The following SARS1 variants were observed in gnomAD, a reference collection of about 807,000 sequenced individuals.
SARS1 encodes serine--tRNA ligase, cytoplasmic.
Under a neutral mutation model 63.7 loss-of-function variants are expected in SARS1, and 25 were observed. The ratio of observed to expected loss-of-function variants is 0.39; its 90% CI spans 0.29 to 0.55. The LOEUF is 0.55. Among genes scored for constraint, SARS1 ranks in the 20% least tolerant of loss-of-function variants. The pLI, the probability that SARS1 is intolerant of heterozygous loss-of-function variation, is 0.62. For synonymous variants in SARS1, 231 were observed against 243.5 expected, an observed-to-expected ratio of 0.95 and a Z score of 0.48; for missense variants, 417 against 649.7, an observed-to-expected ratio of 0.64 and a Z score of 3.89.
chr1:109,233,939 G>A (rs577996347), intron 6 of SARS1, among the ~76,000 whole-genome samples: 1 of 135,714 alleles, frequency 7.4e-6, no homozygotes, highest in Non-Finnish European at 1.5e-5. Context: ...GCATGATCTC[G>A]GCTCATTGCA....
At chr1:109,226,100 C>G (rs536938076) in intron 2 of SARS1, among the ~76,000 whole-genome samples, 1 of 151,202 alleles carries the variant, frequency 6.6e-6, no homozygotes, top group African/African-American at 2.4e-5. Context: ...TCAAGCAGCC[C>G]TCCTGCCTCA....
At chr1:109,229,348 G>A (rs1655156994) in intron 3 of SARS1, 66 bp from the exon 4 acceptor site, 7 of 1,535,786 alleles carry the variant, frequency 4.6e-6, no homozygotes, top group South Asian at 2.4e-5. Flanking sequence ...TAGGGCAACC[G>A]AATCATATTC....
rs770989871 is a variant in SARS1, at chr1:109,214,561, C to T, written c.136+433C>T. 1.3e-4 allele frequency: 124 copies of T among 990,470 alleles called. No homozygotes were observed. In the Middle Eastern group the frequency reaches 3.1e-3, roughly 25 times the overall value. The allele number at this position is 990,470 out of a possible 1,614,324, so 61.4% of individuals were successfully genotyped here. ...TGTTTTGATAGGATCAAAGGCTTCT[C>T]CTGAGACTGCGTCACTTCTGCAACA... On this transcript the variant is annotated intron_variant, in intron 1 of 10. Coordinates refer to ENST00000234677, the MANE Select transcript of SARS1 (RefSeq NM_006513.4). The surrounding 1 kb of genome is among the most constrained non-coding windows in gnomAD (Gnocchi z 4.6).
intron 2 of SARS1, among the ~76,000 whole-genome samples, chr1:109,225,730 G>A (rs999179494): frequency 6.6e-6 from 1 of 152,212 alleles, no homozygotes; most frequent in Non-Finnish European, 1.5e-5. Context: ...CCTATTTAAT[G>A]GGTAAGGGAA....
rs1655299407 is a variant in SARS1 at position 109,236,005 on chromosome 1, A to G, written c.998A>G (p.His333Arg). The G allele has an allele frequency of 1.2e-6, 2 of 1,613,084 alleles. No individual in the cohort carries two copies. Among genetic ancestry groups the G allele is most frequent in the African/African-American group, 1.3e-5 (1 of 74,976 alleles). ...KIEQFVYSSP[H>R]DNKSWEMFEE... ...GAACAGTTTGTGTACTCATCACCCC[A>G]TGACAACAAGTCATGGGAGATGTTT... Residue 333 changes from histidine (H) to arginine (R), a missense_variant, in exon 8 of 11, where the codon CAT becomes CGT. Physicochemically the swap from His to Arg is conservative, Grantham distance 29 (BLOSUM62 0). Transcript: ENST00000234677.
chr1:109,233,177 T>A lies in SARS1; in HGVS notation c.747+1391T>A, dbSNP rs114806066. On this transcript the variant is annotated intron_variant, in intron 6 of 10. Coordinates refer to ENST00000234677, the MANE Select transcript of SARS1 (RefSeq NM_006513.4). ...TTAATTTAATTTAATTTTTTTTTTTTAATTAATTTCCTATGTAGAGACAGG... is the reference window on the plus strand; with the variant it reads ...TTAATTTAATTTAATTTTTTTTTTTAAATTAATTTCCTATGTAGAGACAGG... Among the ~76,000 whole-genome samples the A allele has an allele frequency of 5.5e-3, 761 of 138,196 alleles. 6 individuals carry two copies. Among genetic ancestry groups the A allele is most frequent in the East Asian group, 8.1e-3 (38 of 4,678 alleles). The allele number at this position is 138,196 out of a possible 152,430, so 90.7% of individuals were successfully genotyped here.
chr1:109,221,987 T>C (rs756050793), intron 1 of SARS1, among the ~76,000 whole-genome samples: 3,494 of 12,256 alleles, frequency 0.29, 228 homozygotes, highest in Admixed American at 0.36. Flanking sequence ...TATATATATA[T>C]ATATATATAT....
Position 109,224,034 on chromosome 1 carries a change from G to T in SARS1, c.193G>T (p.Gly65Ter). 1 of 1,612,944 alleles carries T rather than the reference G, an allele frequency of 6.2e-7. No homozygotes were observed. The highest frequency in any genetic ancestry group is 8.5e-7 in the Non-Finnish European group (1 of 1,178,984). Residue 65 changes from glycine (G) to a stop codon, truncating the protein, a stop_gained, in exon 2 of 11, where the codon GGA becomes TGA. Transcript: ENST00000234677. LOFTEE classifies it high-confidence loss of function. ...GAAGAACCTATGCAGCAAGACAATC[G>T]GAGAGAAAATGAAGGTAAGAGAACT... ...KLKNLCSKTI[G>*]EKMKKKEPVG... is the part of the protein sequence containing the mutation.
At chr1:109,222,844 T>C (rs1654979477) in intron 1 of SARS1, among the ~76,000 whole-genome samples, 1 of 152,058 alleles carries the variant, frequency 6.6e-6, no homozygotes, top group African/African-American at 2.4e-5. Context: ...ACTCCATCTC[T>C]ACAAAAATAA....
chr1:109,224,033 C>T lies in SARS1; in HGVS notation c.192C>T (p.Ile64=), dbSNP rs755572471. The change falls in exon 2 of 11, where the codon ATC becomes ATT. Residue 64 remains isoleucine, a synonymous_variant. Coordinates refer to ENST00000234677, the MANE Select transcript of SARS1 (RefSeq NM_006513.4). ...NKLKNLCSKT[I]GEKMKKKEPV... Reference sequence around the variant, plus strand: ...TGAAGAACCTATGCAGCAAGACAATCGGAGAGAAAATGAAGGTAAGAGAAC... The same window carrying T: ...TGAAGAACCTATGCAGCAAGACAATTGGAGAGAAAATGAAGGTAAGAGAAC... The T allele has an allele frequency of 5.0e-6, 8 of 1,612,738 alleles. No homozygotes were observed. The highest frequency in any genetic ancestry group is 1.3e-5 in the African/African-American group (1 of 74,852).
intron 1 of SARS1, among the ~76,000 whole-genome samples, chr1:109,222,024 T>A (rs985140983): frequency 2.9e-5 from 3 of 101,782 alleles, no homozygotes; most frequent in Admixed American, 9.7e-5. Context: ...TTTTTTTTTT[T>A]TTTTTTTTTT....
At chr1:109,230,573 T>C (rs765593865) in intron 4 of SARS1, among the ~76,000 whole-genome samples, 13 of 152,076 alleles carry the variant, frequency 8.5e-5, no homozygotes, top group Non-Finnish European at 7.4e-5. Flanking sequence ...TTGGGAAGCC[T>C]AGGCAGGCGG....
Position 109,236,115 on chromosome 1 carries a change from C to A in SARS1, c.1099+9C>A, listed in dbSNP as rs1167610319. On this transcript the variant is annotated intron_variant, in intron 8 of 10. Coordinates refer to ENST00000234677, the MANE Select transcript of SARS1 (RefSeq NM_006513.4). The stretch of plus-strand genomic sequence containing the variant: ...TGTGAATATTGTCTCAGGTATGGGA[C>A]CCAGCCTCTTCTCAGCCTCCCTTTC... 2.7e-5 allele frequency: 44 copies of A among 1,608,132 alleles called. No individual in the cohort carries two copies. The highest frequency in any genetic ancestry group is 1.7e-4 in the Middle Eastern group (1 of 6,056).
intron 1 of SARS1, among the ~76,000 whole-genome samples, chr1:109,217,788 G>A (rs1286304672): frequency 6.6e-6 from 1 of 151,950 alleles, no homozygotes; most frequent in Non-Finnish European, 1.5e-5. Context: ...TCGAATTCCT[G>A]GACTCAAGTG....
intron 1 of SARS1, among the ~76,000 whole-genome samples, chr1:109,218,318 G>A (rs1019168389): frequency 6.8e-6 from 1 of 147,992 alleles, no homozygotes; most frequent in South Asian, 2.1e-4. Flanking sequence ...AGTGAGCTGA[G>A]ATCGTGCCAT....
intron 2 of SARS1, among the ~76,000 whole-genome samples, chr1:109,225,293 T>A (rs1198344841): frequency 6.6e-6 from 1 of 152,204 alleles, no homozygotes; most frequent in Non-Finnish European, 1.5e-5. Context: ...TCGGCATCTT[T>A]CTCTTTGACA....
intron 1 of SARS1, chr1:109,216,931 T>C (rs1159947023): frequency 5.1e-6 from 5 of 985,402 alleles, no homozygotes; most frequent in Non-Finnish European, 6.0e-6. Context: ...GCTAAAGCTG[T>C]TATTTCCTCA....
intron 1 of SARS1, among the ~76,000 whole-genome samples, chr1:109,221,976 A>G (rs1188618017): frequency 0.043 from 108 of 2,534 alleles, no homozygotes; most frequent in South Asian, 0.13. Context: ...GTGTGTATAT[A>G]TATATATATA....
Position 109,238,154 on chromosome 1 carries a change from T to C in SARS1, c.*266T>C, listed in dbSNP as rs544850804. 1.5e-5 allele frequency: 7 copies of C among 461,232 alleles called. No homozygotes were observed. In the Admixed American group the frequency reaches 2.0e-4, roughly 13 times the overall value. The allele number at this position is 461,232 out of a possible 1,614,324, so 28.6% of individuals were successfully genotyped here. A position where few individuals can be genotyped will look rare whatever the true frequency, so the allele number is the denominator to read the frequency against. ...TCTTCCTCAGTCTTCTTCCCCGGGC[T>C]TGAACCCCGCCTCTGAGGTTCTCCC... is the stretch of plus-strand genomic sequence containing the variant. On this transcript the variant is annotated 3_prime_UTR_variant, in exon 11 of 11. Coordinates refer to ENST00000234677, the MANE Select transcript of SARS1 (RefSeq NM_006513.4).
Sources: allele counts gnomAD v4.1 joint callset (sites outside exome capture counted in the v4.1 genomes callset), GRCh38; gene constraint gnomAD v4.1.1; non-coding constraint Gnocchi (gnomAD v3.1); transcripts MANE v1.5; gene names NCBI Gene and HGNC (gene_info 2026-07-23, HGNC 2026-07-21).